Variants in CDK8 observed in about 807,000 individuals in gnomAD.
CDK8 encodes the protein cyclin-dependent kinase 8.
In CDK8, 29 loss-of-function variants were observed where a neutral mutation model predicts 71.5. The ratio of observed to expected loss-of-function variants is 0.41; its 90% CI spans 0.30 to 0.55. The LOEUF (loss-of-function observed/expected upper bound fraction) is 0.55. Ranked by LOEUF, CDK8 falls within the 20% of genes least tolerant of loss-of-function variation. The probability of loss-of-function intolerance (pLI) is 0.37; values close to 1 mark genes in which losing one functional copy is unlikely to be tolerated. For synonymous variants in CDK8, 161 were observed against 192.1 expected (o/e 0.84, Z 1.34); for missense variants, 288 against 572.6 (o/e 0.50, Z 5.07).
At chr13:26,319,867 C>G (rs1013208910) in intron 1 of CDK8, among the ~76,000 whole-genome samples, 2 of 152,026 alleles carry the variant, frequency 1.3e-5, no homozygotes, top group African/African-American at 2.4e-5. Context: ...GGCATAAAGT[C>G]AGAAATGTGG....
At chr13:26,294,889 A>AC (rs1873472401) in intron 1 of CDK8, among the ~76,000 whole-genome samples, 1 of 152,082 alleles carries the variant, frequency 6.6e-6, no homozygotes, top group Non-Finnish European at 1.5e-5. Flanking sequence ...AGCTGGGACT[A>AC]CATGTGTGCA....
intron 1 of CDK8, among the ~76,000 whole-genome samples, chr13:26,260,503 G>A (rs1400951166): frequency 6.6e-6 from 1 of 152,160 alleles, no homozygotes; most frequent in Non-Finnish European, 1.5e-5. Flanking sequence ...CCTCCATGAG[G>A]TGTAAGGAGT....
At chr13:26,268,256 AACACACACACACACACACAC>A (rs3027999) in intron 1 of CDK8, among the ~76,000 whole-genome samples, 21 of 116,792 alleles carry the variant, frequency 1.8e-4, no homozygotes, top group South Asian at 1.0e-3. Flanking sequence ...CCCCTCCCCC[AACACACACACACACACACAC>A]ACACACACAC....
rs373391484 is a variant in CDK8, at chr13:26,301,866, C to T, written c.129-35701C>T. ...GGCACCTAGTTTTTAAAATGTGTAA[C>T]GCCATCATTGTATTCTGAGTCTTAT... On this transcript the variant is annotated intron_variant, in intron 1 of 12. Coordinates refer to ENST00000381527, the MANE Select transcript of CDK8 (RefSeq NM_001260.3). 2.8e-4 allele frequency among the ~76,000 whole-genome samples: 42 copies of T among 152,268 alleles called. No individual in the cohort carries two copies. In the East Asian group the frequency reaches 4.8e-3, roughly 17 times the overall value.
chr13:26,254,583 G>C lies in CDK8; in HGVS notation c.-59G>C. ...GGCTGCGGCTGCCCGTGCTTCCCCG[G>C]TCCCCACCCCTGCCCCCCGGCCCCC... On this transcript the variant is annotated 5_prime_UTR_variant, in exon 1 of 13. Transcript: ENST00000381527. The surrounding 1 kb of genome is among the most constrained non-coding windows in gnomAD (Gnocchi z 6.7). 3 of 1,417,152 alleles carry C rather than the reference G, an allele frequency of 2.1e-6. No individual in the cohort carries two copies. Among genetic ancestry groups the C allele is most frequent in the Non-Finnish European group, 2.9e-6 (3 of 1,045,096 alleles). 87.8% of individuals were successfully genotyped at this position (1,417,152 alleles called of 1,614,324 possible). A position where few individuals can be genotyped will look rare whatever the true frequency, so the allele number is the denominator to read the frequency against.
chr13:26,303,309 C>T (rs1168320681), intron 1 of CDK8, among the ~76,000 whole-genome samples: 8 of 146,300 alleles, frequency 5.5e-5, no homozygotes, highest in East Asian at 2.0e-4. Flanking sequence ...AAATATATTT[C>T]TTTTTTTTTT....
At chr13:26,291,553 CAA>C (rs532098995) in intron 1 of CDK8, among the ~76,000 whole-genome samples, 1 of 151,982 alleles carries the variant, frequency 6.6e-6, no homozygotes, top group Non-Finnish European at 1.5e-5. Context: ...AAGTTTACAA[CAA>C]AAAACAGCAA....
chr13:26,311,527 T>C (rs891530426), intron 1 of CDK8, among the ~76,000 whole-genome samples: 2 of 152,206 alleles, frequency 1.3e-5, no homozygotes, highest in Non-Finnish European at 2.9e-5. Flanking sequence ...CTAGCCACAG[T>C]ACCTCATTGA....
At chr13:26,278,737 T>A (rs1438269978) in intron 1 of CDK8, among the ~76,000 whole-genome samples, 1 of 152,202 alleles carries the variant, frequency 6.6e-6, no homozygotes, top group African/African-American at 2.4e-5. Flanking sequence ...AGATTTGGGA[T>A]AATTTGAACA....
chr13:26,355,387 G>A (rs567856402), intron 4 of CDK8, among the ~76,000 whole-genome samples: 9 of 152,304 alleles, frequency 5.9e-5, no homozygotes, highest in South Asian at 2.1e-4. Context: ...AGGCCAAGGC[G>A]GGTGGATCAC....
intron 2 of CDK8, among the ~76,000 whole-genome samples, chr13:26,344,517 T>C (rs969482063): frequency 4.6e-5 from 7 of 152,066 alleles, no homozygotes; most frequent in Non-Finnish European, 7.4e-5. Context: ...CACAACAGTT[T>C]TGGGAGGCCG....
chr13:26,259,750 G>C (rs1380584074), intron 1 of CDK8, among the ~76,000 whole-genome samples: 1 of 152,116 alleles, frequency 6.6e-6, no homozygotes, highest in Non-Finnish European at 1.5e-5. Flanking sequence ...TACTTTTACT[G>C]TGTCTTTGAA....
chr13:26,266,190 A>T (rs1359534300), intron 1 of CDK8, among the ~76,000 whole-genome samples: 1 of 152,212 alleles, frequency 6.6e-6, no homozygotes, highest in Non-Finnish European at 1.5e-5. Flanking sequence ...GTTGACTTTC[A>T]GGTACCTGTT....
chr13:26,325,686 G>T (rs747642678), intron 1 of CDK8, among the ~76,000 whole-genome samples: 1 of 152,166 alleles, frequency 6.6e-6, no homozygotes, highest in African/African-American at 2.4e-5. Flanking sequence ...TCAGTATTCC[G>T]TTTGGGAGGA....
chr13:26,404,039 C>G lies in CDK8; in HGVS notation c.1353C>G (p.Ser451=). The part of the protein sequence containing the change: ...PQSSMGYSAT[S]QQPPQYSHQT... ...GCAGCATGGGATACTCAGCTACCTCCCAGCAGCCTCCACAGTACTCACATC... is the reference window on the plus strand; with the variant it reads ...GCAGCATGGGATACTCAGCTACCTCGCAGCAGCCTCCACAGTACTCACATC... Residue 451 remains serine, a synonymous_variant, in exon 13 of 13, where the codon TCC becomes TCG. Coordinates refer to ENST00000381527, the MANE Select transcript of CDK8 (RefSeq NM_001260.3). 1 of 1,614,096 alleles carries G rather than the reference C, an allele frequency of 6.2e-7. No individual in the cohort carries two copies. The highest frequency in any genetic ancestry group is 8.5e-7 in the Non-Finnish European group (1 of 1,180,016).
At chr13:26,361,928 C>T (rs1874163689) in intron 4 of CDK8, among the ~76,000 whole-genome samples, 1 of 151,074 alleles carries the variant, frequency 6.6e-6, no homozygotes, top group Admixed American at 6.6e-5. Context: ...CCACACACAG[C>T]CATTTTGTAA....
intron 1 of CDK8, among the ~76,000 whole-genome samples, chr13:26,271,798 G>A (rs7336262): frequency 0.1 from 13,344 of 128,826 alleles, 1,954 homozygotes; most frequent in African/African-American, 0.35. Context: ...GACAGAGTGA[G>A]ACCCTGTCTT....
intron 6 of CDK8, among the ~76,000 whole-genome samples, chr13:26,386,179 A>T (rs1419891795): frequency 1.3e-5 from 2 of 152,186 alleles, no homozygotes; most frequent in African/African-American, 4.8e-5. Context: ...AGAATTAGTA[A>T]TATCTTCATC....
intron 3 of CDK8, among the ~76,000 whole-genome samples, chr13:26,349,920 A>T (rs1477313137): frequency 6.6e-6 from 1 of 152,176 alleles, no homozygotes; most frequent in Non-Finnish European, 1.5e-5. Flanking sequence ...GTCTCCTAAG[A>T]TTATAGTACC....
Sources: gnomAD v4.1 joint callset for allele counts (sites outside exome capture counted in the v4.1 genomes callset) on GRCh38, gnomAD v4.1.1 for gene constraint, Gnocchi (gnomAD v3.1) non-coding constraint, MANE v1.5 for transcripts, NCBI Gene and HGNC (gene_info 2026-07-23, HGNC 2026-07-21) for gene names.